Variants in MALRD1 observed in about 807,000 individuals in gnomAD.
The protein encoded by MALRD1 is MAM and LDL-receptor class A domain-containing protein 1.
A neutral mutation model predicts 242.1 loss-of-function variants in MALRD1; 247 were observed. The observed-to-expected ratio is 1.02, with a 90% CI of 0.92 to 1.13. The LOEUF (loss-of-function observed/expected upper bound fraction) is 1.13. Ranked by LOEUF, MALRD1 falls within the 50% of genes most tolerant of loss-of-function variation. The pLI, the probability that MALRD1 is intolerant of heterozygous loss-of-function variation, is 0.00. For missense variants in MALRD1, 2,989 were observed against 2,533.1 expected (o/e 1.18, Z -3.86); for synonymous variants, 995 against 866.6 (o/e 1.15, Z -2.60).
chr10:19,249,908 T>A (rs2131780018), intron 18 of MALRD1, among the ~76,000 whole-genome samples: 1 of 152,070 alleles, frequency 6.6e-6, no homozygotes, highest in African/African-American at 2.4e-5. Flanking sequence ...TACATCAGTG[T>A]TAAGTTGCTA....
rs947442697 is a variant in MALRD1, at chr10:19,493,660, A to T, written c.5158+2015A>T. Among the ~76,000 whole-genome samples, 125 of 151,496 alleles carry T rather than the reference A, an allele frequency of 8.3e-4. 1 individual carries two copies. Among genetic ancestry groups the T allele is most frequent in the African/African-American group, 3.0e-3 (123 of 41,326 alleles). On this transcript the variant is annotated intron_variant, in intron 30 of 39. Coordinates refer to ENST00000454679, the MANE Select transcript of MALRD1 (RefSeq NM_001142308.3). ...CCGTCTCTACTAAAAAAAAAAAAAA[A>T]AAAATTAGCCGTTCCTGGTGGTGGA...
intron 35 of MALRD1, among the ~76,000 whole-genome samples, chr10:19,614,908 A>G (rs922626009): frequency 6.6e-6 from 1 of 151,952 alleles, no homozygotes; most frequent in African/African-American, 2.4e-5. Flanking sequence ...GTGTAGAACT[A>G]GAGAAATATT....
intron 13 of MALRD1, among the ~76,000 whole-genome samples, chr10:19,168,979 A>T (rs183810717): frequency 2.0e-5 from 3 of 152,268 alleles, no homozygotes; most frequent in Admixed American, 1.3e-4. Context: ...AAGAAAAAAA[A>T]ATTCCCTCAC....
At chr10:19,095,272 T>G (rs10826934) in intron 4 of MALRD1, among the ~76,000 whole-genome samples, 65,774 of 151,780 alleles carry the variant, frequency 0.43, 14,500 homozygotes, top group Admixed American at 0.52. Context: ...TCTTAATTGA[T>G]TGGTTGTAAA....
intron 18 of MALRD1, among the ~76,000 whole-genome samples, chr10:19,224,140 G>A (rs1837680508): frequency 6.6e-6 from 1 of 152,082 alleles, no homozygotes; most frequent in African/African-American, 2.4e-5. Flanking sequence ...TTCCACAATG[G>A]TTGAACTATT....
At chr10:19,129,347 T>A (rs1485864933) in intron 8 of MALRD1, among the ~76,000 whole-genome samples, 1 of 152,072 alleles carries the variant, frequency 6.6e-6, no homozygotes, top group Non-Finnish European at 1.5e-5. Context: ...AAAATGTAGT[T>A]GAACAACCAT....
intron 36 of MALRD1, among the ~76,000 whole-genome samples, chr10:19,686,460 A>C (rs935216115): frequency 2.0e-5 from 3 of 152,088 alleles, no homozygotes; most frequent in African/African-American, 7.2e-5. Flanking sequence ...ATACCAGTTA[A>C]ACTCTGCCGT....
chr10:19,289,341 C>T (rs1174228512), intron 21 of MALRD1, among the ~76,000 whole-genome samples: 1 of 152,138 alleles, frequency 6.6e-6, no homozygotes, highest in African/African-American at 2.4e-5. Context: ...GCTGTGATTT[C>T]CCAATGTGTT....
chr10:19,529,435 C>G (rs76153132), intron 31 of MALRD1, among the ~76,000 whole-genome samples: 2,561 of 148,160 alleles, frequency 0.017, 39 homozygotes, highest in East Asian at 0.047. Context: ...AAGTCAGTCC[C>G]TAGAAAAAGA....
chr10:19,598,967 T>TA (rs1287692090), intron 34 of MALRD1, among the ~76,000 whole-genome samples: 1 of 152,024 alleles, frequency 6.6e-6, no homozygotes, highest in Non-Finnish European at 1.5e-5. Context: ...AGAGAGGGCC[T>TA]AAAAAATATA....
chr10:19,436,259 G>A (rs1041368036), intron 28 of MALRD1, among the ~76,000 whole-genome samples: 6 of 152,112 alleles, frequency 3.9e-5, no homozygotes, highest in African/African-American at 1.2e-4. Context: ...AGAGCTAAGA[G>A]ACCTGAGTCT....
At position 19,184,534 on chromosome 10, in the gene MALRD1, G is replaced by A. The variant is rs988617616; in HGVS notation, c.1951+9206G>A. ...GGGAAATTTGGGGTTTAAGTTTTTT[G>A]TAGTTGTTGTTGTTTTGTTTTGTTT... On this transcript the variant is annotated intron_variant, in intron 14 of 39. Coordinates refer to ENST00000454679, the MANE Select transcript of MALRD1 (RefSeq NM_001142308.3). Among the ~76,000 whole-genome samples, 5 of 144,390 alleles carry A rather than the reference G, an allele frequency of 3.5e-5. No homozygotes were observed. In the Middle Eastern group the frequency reaches 0.011, roughly 314 times the overall value. The allele number at this position is 144,390 out of a possible 152,430, so 94.7% of individuals were successfully genotyped here.
intron 29 of MALRD1, among the ~76,000 whole-genome samples, chr10:19,478,336 A>G (rs898856325): frequency 2.6e-5 from 4 of 152,190 alleles, no homozygotes; most frequent in African/African-American, 9.6e-5. Context: ...TCAGATGTAT[A>G]TGACGTCGAT....
chr10:19,050,067 C>A (rs1044389118), intron 1 of MALRD1, among the ~76,000 whole-genome samples: 14 of 149,432 alleles, frequency 9.4e-5, no homozygotes, highest in African/African-American at 3.4e-4. Flanking sequence ...GGTCACTTAA[C>A]TCAAACATAT....
intron 21 of MALRD1, among the ~76,000 whole-genome samples, chr10:19,298,377 A>T (rs542644591): frequency 6.6e-6 from 1 of 152,098 alleles, no homozygotes; most frequent in African/African-American, 2.4e-5. Flanking sequence ...ACTGGAGATC[A>T]AATTTCAACA....
At chr10:19,226,121 T>C (rs549472004) in intron 18 of MALRD1, among the ~76,000 whole-genome samples, 7 of 152,230 alleles carry the variant, frequency 4.6e-5, no homozygotes, top group African/African-American at 1.7e-4. Context: ...TATTAGCAAA[T>C]TGAGTCTAGG....
chr10:19,047,732 GCCCC>G (rs1395295527), upstream of MALRD1, among the ~76,000 whole-genome samples: 2 of 151,896 alleles, frequency 1.3e-5, no homozygotes, highest in African/African-American at 4.8e-5. Flanking sequence ...CTGTCCCCCT[GCCCC>G]CCAGAATCCA....
At chr10:19,131,944 G>T (rs1833126559) in intron 8 of MALRD1, among the ~76,000 whole-genome samples, 1 of 152,150 alleles carries the variant, frequency 6.6e-6, no homozygotes, top group Non-Finnish European at 1.5e-5. Context: ...GAAATAAAAT[G>T]AAACCTGATT....
chr10:19,056,571 T>C (rs1331976812), intron 1 of MALRD1, among the ~76,000 whole-genome samples: 2 of 152,182 alleles, frequency 1.3e-5, no homozygotes, highest in African/African-American at 4.8e-5. Context: ...TTTATTAGTT[T>C]TAACAGTTTT....
Sources: gnomAD v4.1 joint callset for allele counts (sites outside exome capture counted in the v4.1 genomes callset) on GRCh38, gnomAD v4.1.1 for gene constraint, MANE v1.5 for transcripts, NCBI Gene and HGNC (gene_info 2026-07-23, HGNC 2026-07-21) for gene names.